TMC5: variants seen among roughly 807,000 people sequenced by gnomAD.
TMC5 encodes the protein transmembrane channel-like protein 5.
A neutral mutation model predicts 110.5 loss-of-function variants in TMC5; 86 were observed. That is an observed-to-expected ratio of 0.78 (90% confidence interval 0.65 to 0.93). The LOEUF (loss-of-function observed/expected upper bound fraction) is 0.93, where lower values mean the gene tolerates loss of function less well. Ranked by LOEUF, TMC5 falls within the 40% of genes least tolerant of loss-of-function variation. The pLI is 0.00. For synonymous variants in TMC5, 455 were observed against 439.5 expected, an observed-to-expected ratio of 1.04 and a Z score of -0.44; for missense variants, 1,144 against 1,222.8, an observed-to-expected ratio of 0.94 and a Z score of 0.96.
chr16:19,445,098 C>T (rs926522509), intron 4 of TMC5, among the ~76,000 whole-genome samples: 1 of 152,112 alleles, frequency 6.6e-6, no homozygotes, highest in African/African-American at 2.4e-5. Flanking sequence ...CACTGTACTC[C>T]AGCCTGGGCA....
chr16:19,454,078 CACT>C (rs1967810882), intron 5 of TMC5, among the ~76,000 whole-genome samples: 3 of 152,014 alleles, frequency 2.0e-5, no homozygotes, highest in African/African-American at 7.2e-5. Flanking sequence ...GGCAGAGTTT[CACT>C]CTGTCCCCCA....
chr16:19,486,175 T>C (rs1212690451), intron 15 of TMC5, among the ~76,000 whole-genome samples: 1 of 152,164 alleles, frequency 6.6e-6, no homozygotes, highest in Admixed American at 6.5e-5. Flanking sequence ...TCTCACACAC[T>C]GAGTGCCTTA....
At chr16:19,466,797 T>C (rs1968201615) in intron 9 of TMC5, among the ~76,000 whole-genome samples, 1 of 152,078 alleles carries the variant, frequency 6.6e-6, no homozygotes, top group African/African-American at 2.4e-5. Flanking sequence ...CCAGCAATGA[T>C]ATGAAGGGAA....
chr16:19,431,249 A>G lies in TMC5; in HGVS notation c.-80+609A>G, dbSNP rs545840967. Reference sequence around the variant, plus strand: ...GACAAAGTTCACCCCGTTAGAAGATAAAACGTGGGGGCCGGGCGCGGTGGC... The same window carrying G: ...GACAAAGTTCACCCCGTTAGAAGATGAAACGTGGGGGCCGGGCGCGGTGGC... On this transcript the variant is annotated intron_variant, in intron 2 of 21. Coordinates refer to ENST00000542583, the MANE Select transcript of TMC5 (RefSeq NM_001261841.2). Among the ~76,000 whole-genome samples the G allele has an allele frequency of 7.2e-5, 11 of 152,264 alleles. No individual in the cohort carries two copies. In the East Asian group the frequency reaches 2.1e-3, roughly 29 times the overall value.
chr16:19,487,080 G>C lies in TMC5; in HGVS notation c.2439+60G>C, dbSNP rs903968646. ...GTTCAGTCACCTGTGACCTGGTGGCGCTTAAAGCTGGGGAAGGGGGCTCTG... is the reference window on the plus strand; with the variant it reads ...GTTCAGTCACCTGTGACCTGGTGGCCCTTAAAGCTGGGGAAGGGGGCTCTG... On this transcript the variant is annotated intron_variant, in intron 16 of 21. Transcript: ENST00000542583. The C allele has an allele frequency of 4.3e-6, 7 of 1,609,218 alleles. No homozygotes were observed. In the East Asian group the frequency reaches 1.6e-4, roughly 36 times the overall value.
intron 5 of TMC5, among the ~76,000 whole-genome samples, chr16:19,454,134 A>G (rs1239862180): frequency 1.3e-5 from 2 of 151,978 alleles, no homozygotes; most frequent in South Asian, 2.1e-4. Context: ...TGCAACCTCT[A>G]CCTCCTGAGT....
chr16:19,481,086 A>T (rs998987508), intron 14 of TMC5, among the ~76,000 whole-genome samples: 1 of 152,170 alleles, frequency 6.6e-6, no homozygotes, highest in African/African-American at 2.4e-5. Flanking sequence ...TAATAGTGGG[A>T]TAATTTAAAT....
intron 10 of TMC5, among the ~76,000 whole-genome samples, chr16:19,471,413 G>A (rs1968338789): frequency 1.3e-5 from 2 of 152,152 alleles, no homozygotes; most frequent in African/African-American, 2.4e-5. Flanking sequence ...TTCAACAAGA[G>A]GGTTGCAGAT....
At chr16:19,454,019 C>G (rs1389397796) in intron 5 of TMC5, among the ~76,000 whole-genome samples, 1 of 151,974 alleles carries the variant, frequency 6.6e-6, no homozygotes, top group Non-Finnish European at 1.5e-5. Context: ...CCTCAGTTGG[C>G]AAGAATGAAT....
chr16:19,470,132 G>A (rs1395461576), intron 10 of TMC5, among the ~76,000 whole-genome samples: 2 of 150,346 alleles, frequency 1.3e-5, no homozygotes, highest in Non-Finnish European at 2.9e-5. Flanking sequence ...CTGACCTCGT[G>A]ATCCACCCAC....
chr16:19,469,544 G>A (rs1016870440), intron 9 of TMC5, 137 bp from the exon 10 acceptor site: 38 of 1,059,510 alleles, frequency 3.6e-5, no homozygotes, highest in Non-Finnish European at 5.1e-5. Context: ...TGACCACACC[G>A]CTCCAGGCCA....
chr16:19,463,155 C>T, intron 6 of TMC5, 125 bp from the exon 7 acceptor site: 1 of 720,248 alleles, frequency 1.4e-6, no homozygotes, highest in South Asian at 1.6e-5. Context: ...CTCCTGGCCT[C>T]AGTGATCCTC....
chr16:19,452,191 G>A (rs1385456185), intron 5 of TMC5, among the ~76,000 whole-genome samples: 2 of 152,114 alleles, frequency 1.3e-5, no homozygotes, highest in Admixed American at 6.6e-5. Context: ...CAGAACTTCG[G>A]GAAACTTATG....
At chr16:19,433,068 A>G (rs1213663600) in intron 2 of TMC5, among the ~76,000 whole-genome samples, 1 of 152,256 alleles carries the variant, frequency 6.6e-6, no homozygotes, top group East Asian at 1.9e-4. Flanking sequence ...ATACATATAT[A>G]TAAATTTGTC....
At chr16:19,487,716 TAAA>T (rs901389097) in intron 17 of TMC5, 4 of 110,756 alleles carry the variant, frequency 3.6e-5, no homozygotes, top group South Asian at 2.3e-4. Context: ...AATAAATAAA[TAAA>T]TAAATAAATA....
chr16:19,474,608 T>C, intron 12 of TMC5: 2 of 251,998 alleles, frequency 7.9e-6, no homozygotes, highest in South Asian at 1.0e-4. Flanking sequence ...TCCCAGGAGT[T>C]TGAGCTTACC....
intron 4 of TMC5, among the ~76,000 whole-genome samples, chr16:19,447,688 G>A (rs1218628696): frequency 6.6e-6 from 1 of 151,952 alleles, no homozygotes; most frequent in African/African-American, 2.4e-5. Context: ...GAGTGGCTGG[G>A]ACTACAGGCA....
At chr16:19,452,051 G>T (rs538027001) in intron 5 of TMC5, among the ~76,000 whole-genome samples, 1 of 152,004 alleles carries the variant, frequency 6.6e-6, no homozygotes, top group Non-Finnish European at 1.5e-5. Context: ...TGCCCACCTC[G>T]GCTTCCCAAA....
intron 2 of TMC5, among the ~76,000 whole-genome samples, chr16:19,432,430 A>G (rs1245050189): frequency 6.6e-6 from 1 of 152,108 alleles, no homozygotes; most frequent in African/African-American, 2.4e-5. Flanking sequence ...AGAAAGTAGG[A>G]TAGTACCCTC....
Sources: gnomAD v4.1 joint callset for allele counts (sites outside exome capture counted in the v4.1 genomes callset) on GRCh38, gnomAD v4.1.1 for gene constraint, MANE v1.5 for transcripts, NCBI Gene and HGNC (gene_info 2026-07-23, HGNC 2026-07-21) for gene names.